Variants in JMJD6 observed in about 807,000 individuals in gnomAD.
JMJD6 encodes the protein jumonji domain containing 6, arginine demethylase and lysine hydroxylase.
JMJD6 carries 17 observed loss-of-function variants against 45.8 expected under a neutral mutation model. The observed-to-expected ratio is 0.37, with a 90% confidence interval of 0.25 to 0.56. The LOEUF (loss-of-function observed/expected upper bound fraction) is 0.56. Ranked by LOEUF, JMJD6 falls within the 20% of genes least tolerant of loss-of-function variation. The pLI, the probability that JMJD6 is intolerant of heterozygous loss-of-function variation, is 0.79. For missense variants in JMJD6, 470 were observed against 517.5 expected (o/e 0.91, Z 0.89); for synonymous variants, 221 against 196.3 (o/e 1.13, Z -1.05).
At chr17:76,721,209 T>C (rs562717445) in intron 4 of JMJD6, 113 of 318,986 alleles carry the variant, frequency 3.5e-4, no homozygotes, top group Non-Finnish European at 5.9e-4. Flanking sequence ...CCACCCTTAC[T>C]GGCCCTCTCA....
rs36106744 is a variant in JMJD6, at chr17:76,725,406, C to CAAAAA, written c.518+56_518+60dup. On this transcript the variant is annotated intron_variant, in intron 2 of 5. Transcript: ENST00000397625. ...GGGCTACAAGAGTGACGCTCTGTCT[C>CAAAAA]AAAAAAAAAAAAAAAAAAAAAAGAA... The CAAAAA allele has an allele frequency of 3.5e-4, 336 of 958,072 alleles. 18 individuals carry two copies. The highest frequency in any genetic ancestry group is 4.6e-4 in the African/African-American group (18 of 39,116). The allele number at this position is 958,072 out of a possible 1,614,324, so 59.3% of individuals were successfully genotyped here.
At chr17:76,714,697 A>T (rs2076752323), downstream of JMJD6, 1 of 152,272 alleles carries the variant, frequency 6.6e-6, no homozygotes, top group Non-Finnish European at 1.5e-5. Flanking sequence ...TGTACTATCC[A>T]GAGCTGACTT....
intron 3 of JMJD6, among the ~76,000 whole-genome samples, chr17:76,722,982 T>C (rs1054559587): frequency 6.6e-6 from 1 of 151,340 alleles, no homozygotes; most frequent in African/African-American, 2.4e-5. Flanking sequence ...AGTTTTGCTC[T>C]GTCACCCAGG....
At chr17:76,719,889 A>G (rs1489120916) in intron 5 of JMJD6, among the ~76,000 whole-genome samples, 1 of 152,216 alleles carries the variant, frequency 6.6e-6, no homozygotes, top group Non-Finnish European at 1.5e-5. Context: ...TGGGAGGCTG[A>G]GGCGGGTGGA....
Position 76,718,801 on chromosome 17 carries a change from G to T in JMJD6, c.1140C>A (p.Cys380Ter), listed in dbSNP as rs764511099. 2.5e-6 allele frequency: 4 copies of T among 1,614,086 alleles called. No individual in the cohort carries two copies. The African/African-American group carries it at 5.3e-5, about 22-fold the overall frequency. ...TVHRRKKRRT[C>*]SMVGNGDTTS... ...TGGTGTCCCCGTTTCCCACCATGCTGCACGTCCTCCTCTTCTTCCTGCGGT... is the reference window on the plus strand; with the variant it reads ...TGGTGTCCCCGTTTCCCACCATGCTTCACGTCCTCCTCTTCTTCCTGCGGT... The change falls in exon 6 of 6, where the codon TGC becomes TGA. Residue 380 changes from cysteine (C) to a stop codon, truncating the protein, a stop_gained. Transcript: ENST00000397625. LOFTEE classifies it high-confidence loss of function.
At position 76,718,868 on chromosome 17, in the gene JMJD6, C is replaced by T. The variant is rs2076790121; in HGVS notation, c.1081-8G>A. 1 of 1,610,906 alleles carries T rather than the reference C, an allele frequency of 6.2e-7. No homozygotes were observed. The highest frequency in any genetic ancestry group is 1.7e-5 in the Admixed American group (1 of 59,268). ...CTCGGATCCAGACTCGCACTGGACA[C>T]AGGAGGACAGAAAACAAGGAGTCAA... On this transcript the variant is annotated splice_polypyrimidine_tract_variant and splice_region_variant and intron_variant, in intron 5 of 5. Transcript: ENST00000397625.
intron 2 of JMJD6, 140 bp from the exon 3 acceptor site, chr17:76,724,198 G>C (rs2076866213): frequency 1.1e-6 from 1 of 875,504 alleles, no homozygotes; most frequent in African/African-American, 1.7e-5. Context: ...TTGGCTGACA[G>C]TAACCTCTGC....
At chr17:76,724,384 G>T (rs1190393951) in intron 2 of JMJD6, among the ~76,000 whole-genome samples, 1 of 151,804 alleles carries the variant, frequency 6.6e-6, no homozygotes, top group South Asian at 2.1e-4. Context: ...GCCTCCCAAA[G>T]TGCTGGAATA....
intron 5 of JMJD6, among the ~76,000 whole-genome samples, chr17:76,720,080 G>A (rs1472014733): frequency 6.6e-6 from 1 of 152,242 alleles, no homozygotes; most frequent in Non-Finnish European, 1.5e-5. Context: ...GGGAGGCAGA[G>A]GTTACAGTGA....
chr17:76,724,490 T>G (rs1179732996), intron 2 of JMJD6, among the ~76,000 whole-genome samples: 2 of 152,054 alleles, frequency 1.3e-5, no homozygotes, highest in Non-Finnish European at 2.9e-5. Flanking sequence ...ACAGAAACAC[T>G]GGGTGCATTG....
intron 3 of JMJD6, 115 bp from the exon 4 acceptor site, chr17:76,722,048 T>C: frequency 2.7e-6 from 3 of 1,093,606 alleles, no homozygotes; most frequent in Non-Finnish European, 3.9e-6. Flanking sequence ...TACAGAGACA[T>C]GATACAGGGT....
At chr17:76,723,039 G>A (rs982490003) in intron 3 of JMJD6, among the ~76,000 whole-genome samples, 18 of 149,906 alleles carry the variant, frequency 1.2e-4, no homozygotes, top group Admixed American at 6.0e-4. Context: ...CTCCTCTTCC[G>A]GATTCAAGTG....
intron 3 of JMJD6, among the ~76,000 whole-genome samples, chr17:76,722,317 G>A (rs958809777): frequency 6.6e-6 from 1 of 152,244 alleles, no homozygotes; most frequent in Non-Finnish European, 1.5e-5. Flanking sequence ...CTACGAAGAG[G>A]ACACCTACTT....
intron 2 of JMJD6, 58 bp downstream of exon 2, chr17:76,725,406 CAAA>C (rs36106744): frequency 5.4e-3 from 5,137 of 947,324 alleles, no homozygotes; most frequent in South Asian, 6.1e-3. Context: ...CGCTCTGTCT[CAAA>C]AAAAAAAAAA....
downstream of JMJD6, chr17:76,718,413 G>T: frequency 7.9e-7 from 1 of 1,268,436 alleles, no homozygotes. Flanking sequence ...AGCAATAAGG[G>T]AATGTTCTGG....
Position 76,723,838 on chromosome 17 carries a change from T to C in JMJD6, c.739A>G (p.Thr247Ala). ...AGGGGTTTGAATTCAGGTGGCCAGG[T>C]TGGAAGCTGTGTCCGGGGATAAATA... ...NVIYPRTQLP[T>A]WPPEFKPLEI... The change falls in exon 3 of 6, where the codon ACC (threonine) becomes GCC (alanine). Residue 247 changes from threonine (T) to alanine (A), a missense_variant. Around this residue, in one of 4 missense-constraint regions of JMJD6, gnomAD observed 346 missense variants for 339.5 expected, o/e 1.02. Transcript: ENST00000397625. 4 of 1,614,206 alleles carry C rather than the reference T, an allele frequency of 2.5e-6. No individual in the cohort carries two copies. The highest frequency in any genetic ancestry group is 3.4e-6 in the Non-Finnish European group (4 of 1,180,040).
Position 76,723,855 on chromosome 17 carries a change from G to A in JMJD6, c.722C>T (p.Pro241Leu). 1 of 1,614,074 alleles carries A rather than the reference G, an allele frequency of 6.2e-7. No homozygotes were observed. Residue 241 changes from proline (P) to leucine (L), a missense_variant, in exon 3 of 6, where the codon CCC becomes CTC. Pro to Leu is a moderately conservative substitution (Grantham distance 98, BLOSUM62 -3). Coordinates refer to ENST00000397625, the MANE Select transcript of JMJD6 (RefSeq NM_015167.3). ...EAITWFNVIY[P>L]RTQLPTWPPE... The stretch of plus-strand genomic sequence containing the variant: ...TGGCCAGGTTGGAAGCTGTGTCCGG[G>A]GATAAATAACATTAAACCAGGTAAT...
chr17:76,718,942 A>G, intron 5 of JMJD6, 82 bp from the exon 6 acceptor site: 1 of 1,390,316 alleles, frequency 7.2e-7, no homozygotes, highest in South Asian at 1.3e-5. Flanking sequence ...ACCTCGGGAG[A>G]CAGCACAGAT....
Position 76,723,876 on chromosome 17 carries a change from G to T in JMJD6, c.701C>A (p.Thr234Asn). 6.2e-7 allele frequency: 1 copy of T among 1,614,156 alleles called. No homozygotes were observed. Among genetic ancestry groups the T allele is most frequent in the Non-Finnish European group, 8.5e-7 (1 of 1,180,032 alleles). ...EGGNQQDEAITWFNVIYPRTQ... is the reference protein window; with the variant it reads ...EGGNQQDEAINWFNVIYPRTQ... Reference sequence around the variant, plus strand: ...CCGGGGATAAATAACATTAAACCAGGTAATAGCTTCGTCTTGCTGGTTCCC... The same window carrying T: ...CCGGGGATAAATAACATTAAACCAGTTAATAGCTTCGTCTTGCTGGTTCCC... Residue 234 changes from threonine to asparagine, a missense_variant, in exon 3 of 6, where the codon ACC becomes AAC. By Grantham distance (65) the Thr-to-Asn change is moderately conservative (BLOSUM62 0). Transcript: ENST00000397625.
Sources: allele counts gnomAD v4.1 joint callset (sites outside exome capture counted in the v4.1 genomes callset), GRCh38; gene constraint gnomAD v4.1.1; regional missense constraint gnomAD v4.1.1; transcripts MANE v1.5; gene names NCBI Gene and HGNC (gene_info 2026-07-23, HGNC 2026-07-21).